Variants in AGAP1 observed in about 807,000 individuals in gnomAD.
AGAP1 encodes the protein arf-GAP with GTPase, ANK repeat and PH domain-containing protein 1.
In AGAP1, 29 loss-of-function variants were observed where a neutral mutation model predicts 105.3. The observed-to-expected ratio is 0.28, with a 90% CI of 0.21 to 0.38. The LOEUF (loss-of-function observed/expected upper bound fraction) is 0.38, where lower values mean the gene tolerates loss of function less well. Among genes scored for constraint, AGAP1 ranks in the 10% least tolerant of loss-of-function variants. The pLI is 1.00. For missense variants in AGAP1, 998 were observed against 1,165.1 expected (o/e 0.86, Z 2.09); for synonymous variants, 509 against 485.9 (o/e 1.05, Z -0.63).
rs147617122 is a variant in AGAP1 at position 236,008,103 on chromosome 2, T to C, written c.1646-28458T>C. On this transcript the variant is annotated intron_variant, in intron 13 of 17. Coordinates refer to ENST00000304032, the MANE Select transcript of AGAP1 (RefSeq NM_001037131.3). The stretch of plus-strand genomic sequence containing the variant: ...AAGTATTCAGTCCTAACATATGTTA[T>C]GGTTGGAGTGCATATAACACTGTGC... 8.2e-3 allele frequency among the ~76,000 whole-genome samples: 1,255 copies of C among 152,382 alleles called. 13 individuals carry two copies. The highest frequency in any genetic ancestry group is 0.029 in the African/African-American group (1,189 of 41,588).
chr2:235,885,878 T>A (rs1289544611), intron 10 of AGAP1, among the ~76,000 whole-genome samples: 8 of 152,220 alleles, frequency 5.3e-5, no homozygotes, highest in Non-Finnish European at 1.2e-4. Context: ...TATTCTTTAT[T>A]GCAGTAAGGA....
At chr2:235,897,944 C>T (rs2050884183) in intron 10 of AGAP1, among the ~76,000 whole-genome samples, 1 of 152,156 alleles carries the variant, frequency 6.6e-6, no homozygotes. Context: ...GGAAACCAAT[C>T]AAGGTGCGAT....
chr2:235,932,053 C>T (rs2052748593), intron 12 of AGAP1, among the ~76,000 whole-genome samples: 1 of 152,224 alleles, frequency 6.6e-6, no homozygotes, highest in African/African-American at 2.4e-5. Flanking sequence ...CTCTCTGCCT[C>T]ATCTGGAATC....
intron 11 of AGAP1, among the ~76,000 whole-genome samples, chr2:235,926,171 A>T (rs192394465): frequency 4.9e-4 from 74 of 152,368 alleles, no homozygotes; most frequent in Admixed American, 9.1e-4. Flanking sequence ...CAGAAATGAG[A>T]TTACATATTA....
At chr2:235,671,106 A>T in intron 1 of AGAP1, 1 of 1,245,156 alleles carries the variant, frequency 8.0e-7, no homozygotes, top group Non-Finnish European at 1.0e-6. Context: ...CGTGGTGGGG[A>T]CTTGCCGGTT....
chr2:236,051,138 ACTGTGGTGTTGGTGATGTGGTT>A lies in AGAP1; in HGVS notation c.2114+1863_2114+1884del, dbSNP rs376017580. On this transcript the variant is annotated intron_variant, in intron 16 of 17. Coordinates refer to ENST00000304032, the MANE Select transcript of AGAP1 (RefSeq NM_001037131.3). The surrounding 1 kb of genome is among the most constrained non-coding windows in gnomAD (Gnocchi z 5.9). ...GGCCGAGTTGTAATTCCTCTCCAAG[ACTGTGGTGTTGGTGATGTGGTT>A]CTGTGCTGTTGCTGAAGGTAACTGT... 2.0e-5 allele frequency among the ~76,000 whole-genome samples: 3 copies of A among 152,248 alleles called. No individual in the cohort carries two copies. The highest frequency in any genetic ancestry group is 7.2e-5 in the African/African-American group (3 of 41,560).
chr2:235,646,157 C>G (rs1269521862), intron 1 of AGAP1, among the ~76,000 whole-genome samples: 1 of 151,248 alleles, frequency 6.6e-6, no homozygotes, highest in Non-Finnish European at 1.5e-5. Context: ...TGCCTGTAAT[C>G]TGAGCTCCTC....
At chr2:235,785,057 CATT>C (rs1383144426) in intron 6 of AGAP1, among the ~76,000 whole-genome samples, 4 of 152,188 alleles carry the variant, frequency 2.6e-5, no homozygotes, top group Non-Finnish European at 5.9e-5. Context: ...GCTGCTGGCT[CATT>C]ATTAACAGAG....
In AGAP1 at chr2:235,971,573, C is replaced by T. The variant is rs958239006; in HGVS notation, c.1645+2950C>T. 2.0e-5 allele frequency among the ~76,000 whole-genome samples: 3 copies of T among 151,840 alleles called. No homozygotes were observed. Among genetic ancestry groups the T allele is most frequent in the Non-Finnish European group, 4.4e-5 (3 of 67,926 alleles). On this transcript the variant is annotated intron_variant, in intron 13 of 17. Transcript: ENST00000304032. The surrounding 1 kb of genome is among the most constrained non-coding windows in gnomAD (Gnocchi z 4.8). ...AATTAGCTGGGCATGGTGGCAGGTCCCAGCTACTTGGGAGGCTGAGGCAGG... is the reference window on the plus strand; with the variant it reads ...AATTAGCTGGGCATGGTGGCAGGTCTCAGCTACTTGGGAGGCTGAGGCAGG...
chr2:236,099,473 A>G (rs1322122144), intron 16 of AGAP1, among the ~76,000 whole-genome samples: 1 of 151,966 alleles, frequency 6.6e-6, no homozygotes, highest in Admixed American at 6.6e-5. Context: ...AAAGAAAAGA[A>G]ATATGGTGCT....
intron 6 of AGAP1, among the ~76,000 whole-genome samples, chr2:235,756,414 G>A (rs1482061616): frequency 1.3e-5 from 2 of 152,088 alleles, no homozygotes; most frequent in Non-Finnish European, 2.9e-5. Context: ...GATTTTAAAG[G>A]CCCCTGATTC....
At position 236,012,830 on chromosome 2, in the gene AGAP1, G is replaced by A. The variant is rs2056562621; in HGVS notation, c.1646-23731G>A. ...ATCTCTCACTGTCGCCCAGGCTGGAGTGCAGTGGTACGATCTCAGCTCACT... is the reference window on the plus strand; with the variant it reads ...ATCTCTCACTGTCGCCCAGGCTGGAATGCAGTGGTACGATCTCAGCTCACT... On this transcript the variant is annotated intron_variant, in intron 13 of 17. Coordinates refer to ENST00000304032, the MANE Select transcript of AGAP1 (RefSeq NM_001037131.3). This position sits in a 1 kb window ranked among gnomAD's most constrained non-coding sequence, Gnocchi z 4.9. Among the ~76,000 whole-genome samples the A allele has an allele frequency of 1.3e-5, 2 of 152,082 alleles. No individual in the cohort carries two copies. The highest frequency in any genetic ancestry group is 4.8e-5 in the African/African-American group (2 of 41,402).
rs943357528 is a variant in AGAP1, at chr2:235,931,662, A to C, written c.1483+739A>C. ...AATCTATCAGACGGGGTTTTAGAGTAATCTTAGCATAATTTGTTCTAATTA... is the reference window on the plus strand; with the variant it reads ...AATCTATCAGACGGGGTTTTAGAGTCATCTTAGCATAATTTGTTCTAATTA... On this transcript the variant is annotated intron_variant, in intron 12 of 17. Coordinates refer to ENST00000304032, the MANE Select transcript of AGAP1 (RefSeq NM_001037131.3). This position sits in a 1 kb window ranked among gnomAD's most constrained non-coding sequence, Gnocchi z 5.6. Among the ~76,000 whole-genome samples the C allele has an allele frequency of 2.0e-5, 3 of 151,976 alleles. No homozygotes were observed. The highest frequency in any genetic ancestry group is 7.3e-5 in the African/African-American group (3 of 41,370).
chr2:235,619,309 A>G (rs190269976), intron 1 of AGAP1, among the ~76,000 whole-genome samples: 19 of 152,026 alleles, frequency 1.2e-4, no homozygotes, highest in African/African-American at 4.4e-4. Flanking sequence ...CCGAGTTCAC[A>G]TCATGAAGTG....
At chr2:235,915,091 C>T (rs573496513) in intron 11 of AGAP1, among the ~76,000 whole-genome samples, 3 of 152,222 alleles carry the variant, frequency 2.0e-5, no homozygotes, top group East Asian at 1.9e-4. Flanking sequence ...AAATGAAACC[C>T]GCCAGTCATT....
In AGAP1 at chr2:235,721,169, G is replaced by A. The variant is rs574176532; in HGVS notation, c.310+3525G>A. On this transcript the variant is annotated intron_variant, in intron 3 of 17. Coordinates refer to ENST00000304032, the MANE Select transcript of AGAP1 (RefSeq NM_001037131.3). The surrounding 1 kb of genome is among the most constrained non-coding windows in gnomAD (Gnocchi z 4.5). ...ATTACAGGCACCCCCCACCGCGCCC[G>A]GATAATTTTTGTATTTTTGGTAGAG... is the stretch of plus-strand genomic sequence containing the variant. Among the ~76,000 whole-genome samples the A allele has an allele frequency of 6.8e-4, 104 of 151,982 alleles. No homozygotes were observed. The highest frequency in any genetic ancestry group is 3.1e-3 in the South Asian group (15 of 4,812).
intron 9 of AGAP1, among the ~76,000 whole-genome samples, chr2:235,814,112 G>T (rs999484652): frequency 1.3e-5 from 2 of 152,208 alleles, no homozygotes; most frequent in Non-Finnish European, 2.9e-5. Context: ...AGGATGGGGG[G>T]AGTGGCAGGC....
chr2:235,950,721 T>C (rs2053696660), intron 12 of AGAP1, among the ~76,000 whole-genome samples: 1 of 152,054 alleles, frequency 6.6e-6, no homozygotes, highest in South Asian at 2.1e-4. Context: ...GAGAGGAAAA[T>C]GTCAATTATT....
At chr2:235,940,255 C>T (rs148990549) in intron 12 of AGAP1, among the ~76,000 whole-genome samples, 9 of 152,252 alleles carry the variant, frequency 5.9e-5, no homozygotes, top group Non-Finnish European at 8.8e-5. Flanking sequence ...CCTTCTGCTG[C>T]GTCGGTCCTA....
Sources: allele counts gnomAD v4.1 joint callset (sites outside exome capture counted in the v4.1 genomes callset), GRCh38; gene constraint gnomAD v4.1.1; non-coding constraint Gnocchi (gnomAD v3.1); transcripts MANE v1.5; gene names NCBI Gene and HGNC (gene_info 2026-07-23, HGNC 2026-07-21).